KIF5C: variants seen among roughly 807,000 people sequenced by gnomAD.
KIF5C encodes the protein kinesin family member 5C.
KIF5C carries 18 observed loss-of-function variants against 125.2 expected under a neutral mutation model. The ratio of observed to expected loss-of-function variants is 0.14; its 90% CI spans 0.10 to 0.21. The LOEUF (loss-of-function observed/expected upper bound fraction) is 0.21, where lower values mean the gene tolerates loss of function less well. KIF5C is among the 10% of genes least tolerant of loss of function. KIF5C has a pLI of 1.00. For missense variants in KIF5C, 780 were observed against 1,183.8 expected, an observed-to-expected ratio of 0.66 and a Z score of 5.01; for synonymous variants, 405 against 434.0, an observed-to-expected ratio of 0.93 and a Z score of 0.83.
intron 2 of KIF5C, 70 bp downstream of exon 2, chr2:148,922,297 C>G (rs1490833366): frequency 2.0e-6 from 2 of 1,015,450 alleles, no homozygotes; most frequent in East Asian, 2.5e-5. Context: ...ATATTTGCAG[C>G]CTAGGAATCA....
chr2:148,883,703 T>C (rs1681434139), intron 1 of KIF5C: 1 of 152,196 alleles, frequency 6.6e-6, no homozygotes, highest in South Asian at 2.1e-4. Context: ...TGTACTATAC[T>C]TTTTCAGCAT....
chr2:149,008,413 A>T (rs187910925), intron 23 of KIF5C, among the ~76,000 whole-genome samples: 1 of 152,058 alleles, frequency 6.6e-6, no homozygotes, highest in Non-Finnish European at 1.5e-5. Flanking sequence ...CCTCTGAGGT[A>T]CCTCTGTGGA....
At position 148,899,993 on chromosome 2, in the gene KIF5C, C is replaced by G. The variant is rs116867995; in HGVS notation, c.127-22144C>G. 2.4e-4 allele frequency among the ~76,000 whole-genome samples: 36 copies of G among 152,288 alleles called. 2 individuals carry two copies. The East Asian group carries it at 7.0e-3, about 29-fold the overall frequency. ...GCCTAACTTTAAGCTCAGCTCAAAC[C>G]GATGCAGAGACAATTAAGGTTGGTA... On this transcript the variant is annotated intron_variant, in intron 1 of 25. Coordinates refer to ENST00000435030, the MANE Select transcript of KIF5C (RefSeq NM_004522.3).
intron 10 of KIF5C, 99 bp downstream of exon 10, chr2:148,950,561 C>T (rs1031048586): frequency 4.9e-6 from 7 of 1,424,470 alleles, no homozygotes; most frequent in Admixed American, 4.8e-5. Context: ...GTAATCCCAG[C>T]ACTTTGGGAG....
intron 1 of KIF5C, among the ~76,000 whole-genome samples, chr2:148,891,421 G>A (rs537101905): frequency 3.3e-5 from 5 of 150,194 alleles, no homozygotes; most frequent in Non-Finnish European, 4.4e-5. Flanking sequence ...TCCTATTCAC[G>A]TCACCTCAAA....
intron 7 of KIF5C, 105 bp from the exon 8 acceptor site, chr2:148,946,794 A>T: frequency 6.6e-7 from 1 of 1,504,900 alleles, no homozygotes. Flanking sequence ...ACTTACTTCA[A>T]TGAAATGGAT....
chr2:148,975,577 C>T (rs1012485624), intron 12 of KIF5C, among the ~76,000 whole-genome samples: 1 of 152,182 alleles, frequency 6.6e-6, no homozygotes, highest in Non-Finnish European at 1.5e-5. Context: ...ACCTGGTCAA[C>T]CTCAGTGAAT....
At chr2:149,020,207 A>G (rs776689388) in intron 25 of KIF5C, 10 of 152,240 alleles carry the variant, frequency 6.6e-5, no homozygotes, top group Non-Finnish European at 1.0e-4. Context: ...GGAAGGATGG[A>G]TGAGAGCATC....
chr2:148,977,246 A>ATTT (rs1681101666), intron 12 of KIF5C, among the ~76,000 whole-genome samples: 1 of 152,220 alleles, frequency 6.6e-6, no homozygotes, highest in African/African-American at 2.4e-5. Flanking sequence ...GTACCTTAAA[A>ATTT]ATCACTGCAT....
chr2:148,977,904 T>C (rs1681118999), intron 12 of KIF5C, among the ~76,000 whole-genome samples: 1 of 152,136 alleles, frequency 6.6e-6, no homozygotes, highest in Non-Finnish European at 1.5e-5. Flanking sequence ...ATTTCACCCC[T>C]GGAAAAGGCA....
intron 15 of KIF5C, among the ~76,000 whole-genome samples, chr2:148,983,970 C>T (rs1267496735): frequency 6.6e-6 from 1 of 152,226 alleles, no homozygotes; most frequent in African/African-American, 2.4e-5. Context: ...AAAAAATTAT[C>T]TTTCAAATCT....
intron 1 of KIF5C, chr2:148,878,513 G>A (rs897620345): frequency 3.3e-5 from 5 of 152,262 alleles, no homozygotes; most frequent in Middle Eastern, 3.4e-3. Flanking sequence ...ATGAACATTC[G>A]TTTATGTATA....
chr2:148,938,978 C>T (rs1682348379), intron 4 of KIF5C, among the ~76,000 whole-genome samples: 1 of 151,480 alleles, frequency 6.6e-6, no homozygotes, highest in Admixed American at 6.6e-5. Context: ...GCCTATAATC[C>T]CAGCTACTCA....
intron 11 of KIF5C, among the ~76,000 whole-genome samples, chr2:148,972,937 T>G (rs1457492546): frequency 2.6e-5 from 4 of 152,234 alleles, no homozygotes; most frequent in African/African-American, 9.6e-5. Context: ...ACATAATTAA[T>G]TCATAATTAG....
At chr2:148,914,591 T>G (rs898119465) in intron 1 of KIF5C, among the ~76,000 whole-genome samples, 1 of 152,268 alleles carries the variant, frequency 6.6e-6, no homozygotes, top group Non-Finnish European at 1.5e-5. Context: ...CCTTTGTTCC[T>G]TCTCAATACG....
At chr2:148,897,908 G>C (rs983527658) in intron 1 of KIF5C, among the ~76,000 whole-genome samples, 1 of 72,768 alleles carries the variant, frequency 1.4e-5, no homozygotes, top group African/African-American at 5.7e-5. Flanking sequence ...GACAGAGTAA[G>C]ACTCAGTCTC....
intron 1 of KIF5C, among the ~76,000 whole-genome samples, chr2:148,910,519 A>G (rs951817303): frequency 6.6e-6 from 1 of 152,146 alleles, no homozygotes; most frequent in Admixed American, 6.5e-5. Flanking sequence ...TGGATCCTGC[A>G]TTTTTTCCAT....
rs951388221 is a variant in KIF5C at position 148,946,828 on chromosome 2, T to C, written c.590-71T>C. The C allele has an allele frequency of 1.1e-5, 18 of 1,583,176 alleles. No individual in the cohort carries two copies. In the Admixed American group the frequency reaches 3.6e-4, roughly 32 times the overall value. ...ATCTATTAGGCATGACTTGTTATGC[T>C]TTTTAAATGAGAGGATTGCTACCTA... On this transcript the variant is annotated intron_variant, in intron 7 of 25. Transcript: ENST00000435030.
intron 1 of KIF5C, among the ~76,000 whole-genome samples, chr2:148,903,372 C>T (rs926398780): frequency 3.9e-5 from 6 of 152,166 alleles, no homozygotes; most frequent in South Asian, 2.1e-4. Context: ...GTCTGTTTCC[C>T]GTGCCCTTCT....
Sources: gnomAD v4.1 joint callset for allele counts (sites outside exome capture counted in the v4.1 genomes callset) on GRCh38, gnomAD v4.1.1 for gene constraint, MANE v1.5 for transcripts, NCBI Gene and HGNC (gene_info 2026-07-23, HGNC 2026-07-21) for gene names.